Variants in ISG20L2 observed in about 807,000 individuals in gnomAD.
The protein encoded by ISG20L2 is interferon stimulated exonuclease gene 20 like 2.
In ISG20L2, 14 loss-of-function variants were observed where a neutral mutation model predicts 27.8. That is an observed-to-expected ratio of 0.50 (90% CI 0.33 to 0.79). The LOEUF (loss-of-function observed/expected upper bound fraction) is 0.79. Ranked by LOEUF, ISG20L2 falls within the 30% of genes least tolerant of loss-of-function variation. The probability of loss-of-function intolerance (pLI) is 0.02; values close to 1 mark genes in which losing one functional copy is unlikely to be tolerated. For synonymous variants in ISG20L2, 157 were observed against 165.7 expected (o/e 0.95, Z 0.40); for missense variants, 393 against 435.1 (o/e 0.90, Z 0.86).
rs770197621 is a variant in ISG20L2 at position 156,727,668 on chromosome 1, C to T, written c.-16G>A. ...AAGTAGACATAGGGACAATGGAAGG[C>T]GGAAGAGTAGTTGGGAAGAGTGGCT... On this transcript the variant is annotated 5_prime_UTR_variant, in exon 2 of 4. Coordinates refer to ENST00000368219, the MANE Select transcript of ISG20L2 (RefSeq NM_001370150.2). The T allele has an allele frequency of 5.6e-5, 89 of 1,601,768 alleles. No individual in the cohort carries two copies. The highest frequency in any genetic ancestry group is 7.2e-5 in the Non-Finnish European group (85 of 1,175,450).
In ISG20L2 at chr1:156,722,145, A is replaced by C. The variant is rs1010946567; in HGVS notation, c.*1204T>G. The C allele has an allele frequency of 1.3e-4, 20 of 152,360 alleles. No individual in the cohort carries two copies. The highest frequency in any genetic ancestry group is 4.3e-4 in the African/African-American group (18 of 41,584). The allele number at this position is 152,360 out of a possible 1,614,324, so 9.4% of individuals were successfully genotyped here. ...ACCCTAAGGAGAACTAAAGCTCACC[A>C]GCGATGGCTGCTCTGGAAGTCAAGG... On this transcript the variant is annotated 3_prime_UTR_variant, in exon 4 of 4. Coordinates refer to ENST00000368219, the MANE Select transcript of ISG20L2 (RefSeq NM_001370150.2).
rs146741892 is a variant in ISG20L2 at position 156,727,463 on chromosome 1, T to A, written c.190A>T (p.Thr64Ser). The A allele has an allele frequency of 2.0e-4, 320 of 1,613,804 alleles. No individual in the cohort carries two copies. The African/African-American group carries it at 3.6e-3, about 18-fold the overall frequency. ...LHSEPSKKGE[T>S]PTVDGTWKTP... ...TTCCAAGTGCCATCGACCGTAGGAG[T>A]TTCCCCTTTCTTTGAAGGTTCAGAG... Residue 64 changes from threonine (T) to serine (S), a missense_variant, in exon 2 of 4, where the codon ACT (threonine) becomes TCT (serine). Coordinates refer to ENST00000368219, the MANE Select transcript of ISG20L2 (RefSeq NM_001370150.2).
chr1:156,728,219 G>C (rs1230170321), intron 1 of ISG20L2, 196 bp downstream of exon 1: 1 of 985,784 alleles, frequency 1.0e-6, no homozygotes, highest in Non-Finnish European at 1.2e-6. Flanking sequence ...ACAAATCCAG[G>C]CATCCCTTTC....
In ISG20L2 at chr1:156,727,184, G is replaced by C. The variant is rs1296316026; in HGVS notation, c.469C>G (p.Gln157Glu). ...KKNHPQKNAP[Q>E]NSTQAHSENK... ...TCTGAATGAGCTTGGGTGGAGTTCTGTGGGGCATTCTTCTGAGGATGGTTC... is the reference window on the plus strand; with the variant it reads ...TCTGAATGAGCTTGGGTGGAGTTCTCTGGGGCATTCTTCTGAGGATGGTTC... The change falls in exon 2 of 4, where the codon CAG becomes GAG. Residue 157 changes from glutamine to glutamate, a missense_variant. Coordinates refer to ENST00000368219, the MANE Select transcript of ISG20L2 (RefSeq NM_001370150.2). The C allele has an allele frequency of 6.2e-7, 1 of 1,613,966 alleles. No homozygotes were observed. Among genetic ancestry groups the C allele is most frequent in the Non-Finnish European group, 8.5e-7 (1 of 1,180,036 alleles).
Position 156,726,482 on chromosome 1 carries a change from G to T in ISG20L2, c.747+424C>A, listed in dbSNP as rs1184508387. 7.7e-6 allele frequency: 7 copies of T among 906,890 alleles called. No individual in the cohort carries two copies. In the East Asian group the frequency reaches 8.3e-4, roughly 107 times the overall value. The allele number at this position is 906,890 out of a possible 1,614,324, so 56.2% of individuals were successfully genotyped here. A position where few individuals can be genotyped will look rare whatever the true frequency, so the allele number is the denominator to read the frequency against. On this transcript the variant is annotated intron_variant, in intron 2 of 3. Transcript: ENST00000368219. ...CTGTCGCTCAGGCTGGAGTGCAGTG[G>T]CAGTGGTGTGATCTCAGCTCACTGC...
intron 1 of ISG20L2, chr1:156,728,043 G>C: frequency 9.8e-7 from 1 of 1,018,188 alleles, no homozygotes; most frequent in Non-Finnish European, 1.2e-6. Flanking sequence ...AGGGAGTGGA[G>C]GGGCTTATAG....
chr1:156,726,854 T>C, intron 2 of ISG20L2, 52 bp downstream of exon 2: 1 of 1,565,700 alleles, frequency 6.4e-7, no homozygotes, highest in East Asian at 2.2e-5. Context: ...AAAAATGATT[T>C]AGACCTCTCT....
intron 3 of ISG20L2, 108 bp downstream of exon 3, chr1:156,724,040 G>A: frequency 8.5e-7 from 1 of 1,171,498 alleles, no homozygotes; most frequent in Non-Finnish European, 1.3e-6. Flanking sequence ...CATCACAGCA[G>A]CCCACCTGGA....
Position 156,727,581 on chromosome 1 carries a change from C to G in ISG20L2, c.72G>C (p.Lys24Asn). 1.2e-6 allele frequency: 2 copies of G among 1,614,170 alleles called. No homozygotes were observed. The change falls in exon 2 of 4, where the codon AAG becomes AAC. Residue 24 changes from lysine (K) to asparagine (N), a missense_variant. Physicochemically the swap from Lys to Asn is moderately conservative, Grantham distance 94 (BLOSUM62 0). Around this residue, in one of 3 missense-constraint regions of ISG20L2, gnomAD observed 183 missense variants for 168.2 expected, o/e 1.09. Transcript: ENST00000368219. ...TCCGCTTCTTGACAAAATTTCGGTGCTTGGCATTTCCTTCTAATGCCTTTT... is the reference window on the plus strand; with the variant it reads ...TCCGCTTCTTGACAAAATTTCGGTGGTTGGCATTTCCTTCTAATGCCTTTT... ...PPKKALEGNA[K>N]HRNFVKKRRL...
rs376821452 is a variant in ISG20L2, at chr1:156,728,556, C to T, written c.-259G>A. 399 of 985,684 alleles carry T rather than the reference C, an allele frequency of 4.0e-4. 2 individuals carry two copies. The African/African-American group carries it at 6.2e-3, about 15-fold the overall frequency. The allele number at this position is 985,684 out of a possible 1,614,324, so 61.1% of individuals were successfully genotyped here. A position where few individuals can be genotyped will look rare whatever the true frequency, so the allele number is the denominator to read the frequency against. On this transcript the variant is annotated 5_prime_UTR_variant, in exon 1 of 4. Transcript: ENST00000368219. ...CGCGCACACCCGCACCGCCCCGACC[C>T]CAGGTAGTGAGGCCAGTGATTCCGA...
At chr1:156,726,700 A>C (rs559175573) in intron 2 of ISG20L2, 2 of 985,412 alleles carry the variant, frequency 2.0e-6, no homozygotes, top group South Asian at 9.4e-5. Flanking sequence ...GATCTTGACC[A>C]ATGAAGTTTG....
intron 2 of ISG20L2, chr1:156,726,561 C>CT: frequency 1.3e-6 from 1 of 795,502 alleles, no homozygotes; most frequent in Non-Finnish European, 1.5e-6. Context: ...ACTTGGCTAA[C>CT]TTTTTTGTAG....
chr1:156,724,463 C>T, intron 2 of ISG20L2, 115 bp from the exon 3 acceptor site: 1 of 1,385,846 alleles, frequency 7.2e-7, no homozygotes, highest in Non-Finnish European at 9.6e-7. Flanking sequence ...AACTGCCTAC[C>T]TCTCCATCCT....
At chr1:156,724,879 A>G in intron 2 of ISG20L2, 1 of 163,356 alleles carries the variant, frequency 6.1e-6, no homozygotes, top group Non-Finnish European at 1.3e-5. Context: ...TATAAACTAA[A>G]GTTGCAGAAG....
chr1:156,728,051 T>C (rs2102629145), intron 1 of ISG20L2: 2 of 1,015,004 alleles, frequency 2.0e-6, no homozygotes, highest in South Asian at 7.7e-5. Context: ...GAGGGGCTTA[T>C]AGAGCTCGAA....
In ISG20L2 at chr1:156,727,638, C is replaced by G. The variant is rs1322106914; in HGVS notation, c.15G>C (p.Leu5=). 6.2e-7 allele frequency: 1 copy of G among 1,612,990 alleles called. No homozygotes were observed. Among genetic ancestry groups the G allele is most frequent in the East Asian group, 2.2e-5 (1 of 44,884 alleles). Residue 5 remains leucine (L), a synonymous_variant, in exon 2 of 4, where the codon CTG becomes CTC. Transcript: ENST00000368219. MSTL[L]LNLDFGEPPP... ...GAGGTTCCCCAAAATCCAGATTGAG[C>G]AGTAAAGTAGACATAGGGACAATGG... is the stretch of plus-strand genomic sequence containing the variant.
rs1648935400 is a variant in ISG20L2 at position 156,728,609 on chromosome 1, A to C, written c.-312T>G. ...GTGTGAGGAGCGGCAGTGGCGGCGG[A>C]GGAGGGGGCGGCGTGGGTGGGGGCG... On this transcript the variant is annotated 5_prime_UTR_variant, in exon 1 of 4. Coordinates refer to ENST00000368219, the MANE Select transcript of ISG20L2 (RefSeq NM_001370150.2). 10 of 681,140 alleles carry C rather than the reference A, an allele frequency of 1.5e-5. No individual in the cohort carries two copies. The South Asian group carries it at 3.4e-4, about 23-fold the overall frequency. 42.2% of individuals were successfully genotyped at this position (681,140 alleles called of 1,614,324 possible).
At chr1:156,728,171 C>G in intron 1 of ISG20L2, 1 of 986,578 alleles carries the variant, frequency 1.0e-6, no homozygotes, top group Non-Finnish European at 1.2e-6. Flanking sequence ...AACCTCTGGG[C>G]TACCCAGGCA....
At position 156,727,327 on chromosome 1, in the gene ISG20L2, G is replaced by T; in HGVS notation, c.326C>A (p.Ala109Asp). 2 of 1,614,184 alleles carry T rather than the reference G, an allele frequency of 1.2e-6. No individual in the cohort carries two copies. The highest frequency in any genetic ancestry group is 1.7e-6 in the Non-Finnish European group (2 of 1,180,026). ...SWLTPAPSKKADSVAAKVDLL... is the reference protein window; with the variant it reads ...SWLTPAPSKKDDSVAAKVDLL... ...ATCTACTTTAGCAGCAACAGAATCA[G>T]CCTTTTTTGAAGGGGCAGGGGTCAA... The change falls in exon 2 of 4, where the codon GCT becomes GAT. Residue 109 changes from alanine to aspartate, a missense_variant. Transcript: ENST00000368219.
Sources: gnomAD v4.1 joint callset for allele counts on GRCh38, gnomAD v4.1.1 for gene constraint, gnomAD v4.1.1 regional missense constraint, MANE v1.5 for transcripts, NCBI Gene and HGNC (gene_info 2026-07-23, HGNC 2026-07-21) for gene names.